ETV1: variants seen among roughly 807,000 people sequenced by gnomAD.
ETV1 encodes ETS variant transcription factor 1.
Under a neutral mutation model 62.3 loss-of-function variants are expected in ETV1, and 27 were observed. The observed-to-expected ratio is 0.43, with a 90% confidence interval of 0.32 to 0.60. The LOEUF is 0.60. ETV1 is among the 20% of genes least tolerant of loss of function. ETV1 has a pLI of 0.06. For missense variants in ETV1, 605 were observed against 605.8 expected (o/e 1.00, Z 0.01); for synonymous variants, 222 against 199.6 (o/e 1.11, Z -0.94).
Position 13,895,883 on chromosome 7 carries a change from C to T in ETV1, c.1417G>A (p.Glu473Lys), listed in dbSNP as rs536563766. 5 of 1,613,366 alleles carry T rather than the reference C, an allele frequency of 3.1e-6. No individual in the cohort carries two copies. Among genetic ancestry groups the T allele is most frequent in the Non-Finnish European group, 3.4e-6 (4 of 1,179,666 alleles). Residue 473 changes from glutamate to lysine, a missense_variant, in exon 14 of 14, where the codon GAA becomes AAA. Physicochemically the swap from Glu to Lys is moderately conservative, Grantham distance 56. This residue lies in a region of ETV1 where 79 missense variants were observed against 71.6 expected (regional missense o/e 1.10). Coordinates refer to ENST00000430479, the MANE Select transcript of ETV1 (RefSeq NM_004956.5). Reference sequence around the variant, plus strand: ...CACTTGTGTTAATACACGTAGCCTTCGTTGTAGGGGTGGGGGTTGCAGCAG... The same window carrying T: ...CACTTGTGTTAATACACGTAGCCTTTGTTGTAGGGGTGGGGGTTGCAGCAG... The part of the protein sequence containing the change: ...GGCCNPHPYN[E>K]GYVY
chr7:13,954,837 C>T (rs190574615), intron 6 of ETV1, among the ~76,000 whole-genome samples: 3 of 152,208 alleles, frequency 2.0e-5, no homozygotes, highest in African/African-American at 4.8e-5. Context: ...CATTGGTAGA[C>T]AATCAAAGCT....
chr7:13,989,202 G>T, intron 2 of ETV1, 63 bp from the exon 3 acceptor site: 1 of 654,890 alleles, frequency 1.5e-6, no homozygotes, highest in Non-Finnish European at 2.6e-6. Flanking sequence ...TCTTGAATTT[G>T]CATAGCTAAT....
At chr7:13,916,531 G>A (rs1310203768) in intron 9 of ETV1, among the ~76,000 whole-genome samples, 2 of 151,972 alleles carry the variant, frequency 1.3e-5, no homozygotes, top group Non-Finnish European at 2.9e-5. Context: ...CCAGCTACTC[G>A]GGAGGCTGAG....
chr7:13,910,228 CTTTTT>C (rs58867942), intron 10 of ETV1, among the ~76,000 whole-genome samples: 3,874 of 120,256 alleles, frequency 0.032, 80 homozygotes, highest in Admixed American at 0.056. Flanking sequence ...AAAAGTTTCC[CTTTTT>C]TTTTTTTTTT....
At chr7:13,978,289 AT>A (rs933176145) in intron 5 of ETV1, among the ~76,000 whole-genome samples, 1 of 152,096 alleles carries the variant, frequency 6.6e-6, no homozygotes, top group African/African-American at 2.4e-5. Flanking sequence ...ACACAAGTGC[AT>A]TTTTCACTTC....
At chr7:13,896,417 G>A (rs1781780226) in intron 13 of ETV1, among the ~76,000 whole-genome samples, 1 of 152,100 alleles carries the variant, frequency 6.6e-6, no homozygotes. Context: ...ATTATTTAAT[G>A]CAGGCATTTC....
chr7:13,940,593 C>T (rs913799054), intron 6 of ETV1, among the ~76,000 whole-genome samples: 8 of 152,054 alleles, frequency 5.3e-5, no homozygotes, highest in African/African-American at 1.9e-4. Context: ...AACAGAGACA[C>T]ACGTTCTGGA....
intron 6 of ETV1, among the ~76,000 whole-genome samples, chr7:13,947,086 A>G (rs1404433672): frequency 1.3e-5 from 2 of 152,196 alleles, no homozygotes; most frequent in African/African-American, 4.8e-5. Context: ...GAGAATATGA[A>G]TTTAAGATTT....
intron 7 of ETV1, 69 bp from the exon 8 acceptor site, chr7:13,935,965 C>A: frequency 9.7e-6 from 12 of 1,235,354 alleles, no homozygotes; most frequent in East Asian, 2.4e-5. Flanking sequence ...AGTTTCTAAT[C>A]CAAAGGAAGA....
chr7:13,988,922 G>A, intron 3 of ETV1, 86 bp downstream of exon 3: 3 of 1,257,320 alleles, frequency 2.4e-6, no homozygotes, highest in Non-Finnish European at 3.4e-6. Context: ...CCCAACCCCC[G>A]TGCCCCCTCC....
intron 3 of ETV1, 61 bp downstream of exon 3, chr7:13,988,947 C>T: frequency 6.6e-7 from 1 of 1,504,972 alleles, no homozygotes; most frequent in Non-Finnish European, 9.1e-7. Context: ...TCATTTTCTC[C>T]CTCTCCCCAC....
At position 13,904,496 on chromosome 7, in the gene ETV1, G is replaced by T. The variant is rs192499257; in HGVS notation, c.1110+1934C>A. On this transcript the variant is annotated intron_variant, in intron 12 of 13. Coordinates refer to ENST00000430479, the MANE Select transcript of ETV1 (RefSeq NM_004956.5). The stretch of plus-strand genomic sequence containing the variant: ...TTACTCAAATCTGAACATCATAAAA[G>T]TCAACAGTTGCTATATAAAAAGCTT... Among the ~76,000 whole-genome samples, 45 of 152,262 alleles carry T rather than the reference G, an allele frequency of 3.0e-4. 1 individual carries two copies. The East Asian group carries it at 7.7e-3, about 26-fold the overall frequency.
intron 6 of ETV1, among the ~76,000 whole-genome samples, chr7:13,963,434 A>C (rs777006230): frequency 6.6e-6 from 1 of 152,006 alleles, no homozygotes; most frequent in Non-Finnish European, 1.5e-5. Flanking sequence ...ATATTTTTCC[A>C]ATTTTGTAAT....
At chr7:13,907,108 A>T (rs1425278609) in intron 11 of ETV1, among the ~76,000 whole-genome samples, 1 of 152,176 alleles carries the variant, frequency 6.6e-6, no homozygotes, top group East Asian at 1.9e-4. Flanking sequence ...TTTTAATGCA[A>T]ATATTTCAAA....
At chr7:13,941,096 A>T (rs967765741) in intron 6 of ETV1, among the ~76,000 whole-genome samples, 1 of 152,220 alleles carries the variant, frequency 6.6e-6, no homozygotes, top group African/African-American at 2.4e-5. Flanking sequence ...GTCTATCTCC[A>T]TATATCAAGA....
chr7:13,989,307 A>C lies in ETV1; in HGVS notation c.-127T>G, dbSNP rs984447134. On this transcript the variant is annotated 5_prime_UTR_variant, in exon 2 of 14. Coordinates refer to ENST00000430479, the MANE Select transcript of ETV1 (RefSeq NM_004956.5). ...AGCCAACAGAGTTCACAATTTACAT[A>C]TTTTCGGTAGTAGCAAAAATCCGAA... 1 of 486,622 alleles carries C rather than the reference A, an allele frequency of 2.1e-6. No homozygotes were observed. Among genetic ancestry groups the C allele is most frequent in the Admixed American group, 3.9e-5 (1 of 25,856 alleles). 30.1% of individuals were successfully genotyped at this position (486,622 alleles called of 1,614,324 possible). A position where few individuals can be genotyped will look rare whatever the true frequency, so the allele number is the denominator to read the frequency against.
At chr7:13,923,335 C>A (rs569748282) in intron 9 of ETV1, among the ~76,000 whole-genome samples, 1 of 152,142 alleles carries the variant, frequency 6.6e-6, no homozygotes, top group Non-Finnish European at 1.5e-5. Context: ...ACTTTTCCTA[C>A]TATTTGATTA....
At chr7:13,972,884 T>C (rs1263642431) in intron 6 of ETV1, among the ~76,000 whole-genome samples, 1 of 152,158 alleles carries the variant, frequency 6.6e-6, no homozygotes, top group Non-Finnish European at 1.5e-5. Context: ...GCCAGGATTA[T>C]AGGCATGAGC....
intron 5 of ETV1, among the ~76,000 whole-genome samples, chr7:13,981,657 G>T (rs1340048033): frequency 6.6e-6 from 1 of 151,866 alleles, no homozygotes; most frequent in South Asian, 2.1e-4. Context: ...TGCAAAGAAG[G>T]TTTCAAGAAA....
Sources: gnomAD v4.1 joint callset for allele counts (sites outside exome capture counted in the v4.1 genomes callset) on GRCh38, gnomAD v4.1.1 for gene constraint, gnomAD v4.1.1 regional missense constraint, MANE v1.5 for transcripts, NCBI Gene and HGNC (gene_info 2026-07-23, HGNC 2026-07-21) for gene names.